The following DENND1A variants were observed in gnomAD, a reference collection of about 807,000 sequenced individuals.
The protein encoded by DENND1A is DENN domain containing 1A.
In DENND1A, 51 loss-of-function variants were observed where a neutral mutation model predicts 113.7. That is an observed-to-expected ratio of 0.45 (90% CI 0.36 to 0.57). DENND1A has a LOEUF of 0.57. Ranked by LOEUF, DENND1A falls within the 20% of genes least tolerant of loss-of-function variation. The probability of loss-of-function intolerance (pLI) is 0.00; values close to 1 mark genes in which losing one functional copy is unlikely to be tolerated. For missense variants in DENND1A, 1,258 were observed against 1,395.9 expected (o/e 0.90, Z 1.57); for synonymous variants, 565 against 570.8 (o/e 0.99, Z 0.14).
intron 13 of DENND1A, among the ~76,000 whole-genome samples, chr9:123,538,261 T>TA (rs1168935880): frequency 2.0e-5 from 3 of 152,174 alleles, no homozygotes; most frequent in African/African-American, 7.2e-5. Context: ...AGAGGTTAAG[T>TA]AAAAGCTCTG....
chr9:123,893,220 G>C (rs549588484), intron 1 of DENND1A, among the ~76,000 whole-genome samples: 3 of 152,158 alleles, frequency 2.0e-5, no homozygotes, highest in Non-Finnish European at 4.4e-5. Flanking sequence ...GAACAGATCA[G>C]TTAAAGTCAA....
chr9:123,902,174 TACACACACACAC>T (rs9299289), intron 1 of DENND1A, among the ~76,000 whole-genome samples: 13 of 132,156 alleles, frequency 9.8e-5, no homozygotes, highest in Middle Eastern at 7.9e-3. Flanking sequence ...CACACACACA[TACACACACACAC>T]ACACACACAC....
rs754315383 is a variant in DENND1A, at chr9:123,381,602, G to T, written c.3043C>A (p.Pro1015Thr). The part of the protein sequence containing the change: ...PGDPPLLPPR[P>T]PQGLEPTLQP... The stretch of plus-strand genomic sequence containing the variant: ...AGTGTTGGCTCCAGGCCTTGAGGGG[G>T]CCTGGGAGGCAGAAGCGGGGGGTCT... Residue 1015 changes from proline to threonine, a missense_variant, in exon 24 of 24, where the codon CCC becomes ACC. By Grantham distance (38) the Pro-to-Thr change is conservative (BLOSUM62 -1). Coordinates refer to ENST00000394215, the MANE Select transcript of DENND1A (RefSeq NM_001352964.2). The surrounding 1 kb of genome is among the most constrained non-coding windows in gnomAD (Gnocchi z 4.7). 6.2e-7 allele frequency: 1 copy of T among 1,613,168 alleles called. No individual in the cohort carries two copies.
chr9:123,902,174 T>TACACATAC (rs1851757969), intron 1 of DENND1A, among the ~76,000 whole-genome samples: 1 of 132,050 alleles, frequency 7.6e-6, no homozygotes. Flanking sequence ...CACACACACA[T>TACACATAC]ACACACACAC....
intron 21 of DENND1A, among the ~76,000 whole-genome samples, chr9:123,390,150 CTT>C (rs977677194): frequency 6.6e-6 from 1 of 152,256 alleles, no homozygotes; most frequent in Non-Finnish European, 1.5e-5. Context: ...CATTTAACCT[CTT>C]GTCACTCTGT....
chr9:123,403,261 T>G, intron 21 of DENND1A, 141 bp downstream of exon 21: 2 of 777,230 alleles, frequency 2.6e-6, no homozygotes, highest in Non-Finnish European at 2.1e-6. Flanking sequence ...TCCTGTTCCC[T>G]GAATGACCCC....
rs918631418 is a variant in DENND1A, at chr9:123,651,909, G to A, written c.618+104C>T. On this transcript the variant is annotated intron_variant, in intron 9 of 23. Transcript: ENST00000394215. The stretch of plus-strand genomic sequence containing the variant: ...AAAATGACATGCTGCCATATAAGGG[G>A]ACTGTAGCTGACTCCTTTTTCTAAA... 4.7e-6 allele frequency: 4 copies of A among 855,536 alleles called. No individual in the cohort carries two copies. The African/African-American group carries it at 5.1e-5, about 11-fold the overall frequency. 53.0% of individuals were successfully genotyped at this position (855,536 alleles called of 1,614,324 possible). A position where few individuals can be genotyped will look rare whatever the true frequency, so the allele number is the denominator to read the frequency against.
intron 11 of DENND1A, among the ~76,000 whole-genome samples, chr9:123,608,964 GAGACTAA>G (rs2060289806): frequency 6.6e-6 from 1 of 152,114 alleles, no homozygotes; most frequent in Admixed American, 6.5e-5. Flanking sequence ...CATATATTTA[GAGACTAA>G]AGACCAAGAG....
At chr9:123,495,170 T>TCTCTCTCTCTCTCTCTCTC (rs371539514) in intron 13 of DENND1A, among the ~76,000 whole-genome samples, 53 of 149,498 alleles carry the variant, frequency 3.5e-4, no homozygotes, top group East Asian at 5.9e-4. Context: ...TCTCTCTCTC[T>TCTCTCTCTCTCTCTCTCTC]TATAATGTCT....
intron 1 of DENND1A, among the ~76,000 whole-genome samples, chr9:123,918,821 C>T (rs1355398574): frequency 6.6e-6 from 1 of 151,966 alleles, no homozygotes; most frequent in Admixed American, 6.6e-5. Context: ...AATTAATGAA[C>T]AGATCAAAGA....
At position 123,731,662 on chromosome 9, in the gene DENND1A, C is replaced by T. The variant is rs551892470; in HGVS notation, c.302+26041G>A. 7.2e-5 allele frequency among the ~76,000 whole-genome samples: 11 copies of T among 152,072 alleles called. No individual in the cohort carries two copies. In the East Asian group the frequency reaches 1.9e-3, roughly 27 times the overall value. On this transcript the variant is annotated intron_variant, in intron 5 of 23. Coordinates refer to ENST00000394215, the MANE Select transcript of DENND1A (RefSeq NM_001352964.2). ...AAAATCTTTGTGACCTTGGGATAGG[C>T]AAAGAGTTCCTAGATATGACACCAA...
At chr9:123,769,459 T>C (rs936609513) in intron 4 of DENND1A, 55 bp downstream of exon 4, 7 of 1,438,448 alleles carry the variant, frequency 4.9e-6, no homozygotes, top group Admixed American at 2.0e-5. Context: ...TTTTATTTTC[T>C]ATAGCAGGTT....
intron 4 of DENND1A, among the ~76,000 whole-genome samples, chr9:123,765,900 C>A (rs1828721774): frequency 1.3e-5 from 2 of 152,170 alleles, no homozygotes; most frequent in Non-Finnish European, 2.9e-5. Flanking sequence ...CAGTGCCTTT[C>A]CTGGCCCTGT....
intron 13 of DENND1A, among the ~76,000 whole-genome samples, chr9:123,469,674 G>A (rs556189027): frequency 1.3e-5 from 2 of 152,322 alleles, no homozygotes; most frequent in Non-Finnish European, 2.9e-5. Flanking sequence ...GATGGGAATC[G>A]GCTCTAAGAG....
chr9:123,755,982 C>T (rs2070506014), intron 5 of DENND1A, among the ~76,000 whole-genome samples: 1 of 152,144 alleles, frequency 6.6e-6, no homozygotes, highest in African/African-American at 2.4e-5. Flanking sequence ...ACGATCTTGG[C>T]TCACTGCAAC....
intron 2 of DENND1A, among the ~76,000 whole-genome samples, chr9:123,851,954 G>A (rs1435076659): frequency 6.6e-6 from 1 of 152,194 alleles, no homozygotes; most frequent in Admixed American, 6.5e-5. Flanking sequence ...TAAGAGCCAT[G>A]GTGAGCCACT....
chr9:123,610,639 A>G (rs2060376325), intron 10 of DENND1A, among the ~76,000 whole-genome samples: 1 of 152,208 alleles, frequency 6.6e-6, no homozygotes, highest in South Asian at 2.1e-4. Flanking sequence ...AGTCTATGAA[A>G]TGTGCAGATG....
intron 13 of DENND1A, among the ~76,000 whole-genome samples, chr9:123,523,102 TAAC>T (rs1296890556): frequency 6.6e-6 from 1 of 152,178 alleles, no homozygotes; most frequent in Non-Finnish European, 1.5e-5. Context: ...GTAACATACT[TAAC>T]AAACCAAAAC....
intron 2 of DENND1A, among the ~76,000 whole-genome samples, chr9:123,838,482 A>G (rs1841366618): frequency 6.6e-6 from 1 of 152,162 alleles, no homozygotes; most frequent in Admixed American, 6.5e-5. Flanking sequence ...AAATGATGAT[A>G]CTTGAGGAGC....
Sources: allele counts gnomAD v4.1 joint callset (sites outside exome capture counted in the v4.1 genomes callset), GRCh38; gene constraint gnomAD v4.1.1; non-coding constraint Gnocchi (gnomAD v3.1); transcripts MANE v1.5; gene names NCBI Gene and HGNC (gene_info 2026-07-23, HGNC 2026-07-21).